Variants in FRMD4A observed in about 807,000 individuals in gnomAD.
FRMD4A encodes FERM domain-containing protein 4A.
Under a neutral mutation model 129.1 loss-of-function variants are expected in FRMD4A, and 29 were observed. The observed-to-expected ratio is 0.22, with a 90% CI of 0.17 to 0.31. The LOEUF (loss-of-function observed/expected upper bound fraction) is 0.31, where lower values mean the gene tolerates loss of function less well. FRMD4A is among the 10% of genes least tolerant of loss of function. The pLI, the probability that FRMD4A is intolerant of heterozygous loss-of-function variation, is 1.00. For synonymous variants in FRMD4A, 634 were observed against 571.6 expected, an observed-to-expected ratio of 1.11 and a Z score of -1.56; for missense variants, 1,272 against 1,375.8, an observed-to-expected ratio of 0.92 and a Z score of 1.19.
chr10:14,152,117 CTTTT>C (rs36023583), intron 2 of FRMD4A, among the ~76,000 whole-genome samples: 3 of 54,110 alleles, frequency 5.5e-5, no homozygotes, highest in Non-Finnish European at 1.0e-4. Flanking sequence ...TTGTGTAGTG[CTTTT>C]TTTTTTTTTT....
At chr10:13,974,340 G>C (rs927295010) in intron 2 of FRMD4A, among the ~76,000 whole-genome samples, 1 of 152,090 alleles carries the variant, frequency 6.6e-6, no homozygotes, top group African/African-American at 2.4e-5. Flanking sequence ...CCATTTGCGG[G>C]GATGAGTGGC....
At chr10:13,995,618 A>G (rs1359449349) in intron 2 of FRMD4A, among the ~76,000 whole-genome samples, 1 of 152,184 alleles carries the variant, frequency 6.6e-6, no homozygotes, top group East Asian at 1.9e-4. Context: ...GATGGACGCT[A>G]TGGCTGAACC....
At chr10:13,949,768 C>T (rs537011566) in intron 2 of FRMD4A, among the ~76,000 whole-genome samples, 1 of 152,266 alleles carries the variant, frequency 6.6e-6, no homozygotes, top group South Asian at 2.1e-4. Context: ...AGGGACATCC[C>T]AAGTCACACA....
At chr10:14,296,918 C>A (rs1451220497) in intron 2 of FRMD4A, among the ~76,000 whole-genome samples, 1 of 152,148 alleles carries the variant, frequency 6.6e-6, no homozygotes, top group Non-Finnish European at 1.5e-5. Context: ...CCAGTCCTTC[C>A]TTCTGTGCCA....
chr10:14,194,029 C>T (rs911102075), intron 2 of FRMD4A, among the ~76,000 whole-genome samples: 1 of 152,200 alleles, frequency 6.6e-6, no homozygotes, highest in African/African-American at 2.4e-5. Flanking sequence ...ATTAAATTTA[C>T]ATAACTAGCT....
At chr10:14,132,213 G>C (rs988334730) in intron 2 of FRMD4A, among the ~76,000 whole-genome samples, 5 of 152,126 alleles carry the variant, frequency 3.3e-5, no homozygotes, top group African/African-American at 1.2e-4. Flanking sequence ...GCTTGAGTCT[G>C]GGAGGAGGAG....
rs113590240 is a variant in FRMD4A at position 14,090,392 on chromosome 10, G to C, written c.46-231480C>G. Among the ~76,000 whole-genome samples the C allele has an allele frequency of 8.0e-3, 1,218 of 152,306 alleles. 24 individuals are homozygous for C. Among genetic ancestry groups the C allele is most frequent in the African/African-American group, 0.028 (1,154 of 41,556 alleles). Reference sequence around the variant, plus strand: ...TAAATGTAGTACAGTCAAGGCAGACGCTGTAAAAGGACCGGGCACTGCAGA... The same window carrying C: ...TAAATGTAGTACAGTCAAGGCAGACCCTGTAAAAGGACCGGGCACTGCAGA... On this transcript the variant is annotated intron_variant, in intron 2 of 24. Transcript: ENST00000357447.
chr10:14,239,354 G>A (rs112252497), intron 2 of FRMD4A, among the ~76,000 whole-genome samples: 4 of 152,140 alleles, frequency 2.6e-5, no homozygotes, highest in African/African-American at 7.2e-5. Flanking sequence ...CTGGCCGGAC[G>A]CGGTGGCTCA....
chr10:14,008,162 CTGTG>C (rs752913059), intron 2 of FRMD4A: 10,904 of 629,022 alleles, frequency 0.017, 34 homozygotes, highest in African/African-American at 0.036. Flanking sequence ...TGGTGTACAG[CTGTG>C]TGTGTGTGTG....
intron 2 of FRMD4A, among the ~76,000 whole-genome samples, chr10:13,990,598 A>G (rs1050860878): frequency 4.6e-5 from 7 of 151,578 alleles, no homozygotes; most frequent in Non-Finnish European, 1.0e-4. Flanking sequence ...GAAACCTTCC[A>G]TTGCAGGAAC....
chr10:13,769,652 G>A (rs1002613403), intron 6 of FRMD4A, among the ~76,000 whole-genome samples: 2 of 152,092 alleles, frequency 1.3e-5, no homozygotes, highest in African/African-American at 4.8e-5. Context: ...TGTCTACGAG[G>A]GTGTTTCTGG....
At chr10:14,151,686 C>T (rs552647973) in intron 2 of FRMD4A, among the ~76,000 whole-genome samples, 28 of 152,222 alleles carry the variant, frequency 1.8e-4, no homozygotes, top group African/African-American at 6.3e-4. Flanking sequence ...GAACCTTCTG[C>T]GATGAGAGCA....
intron 2 of FRMD4A, among the ~76,000 whole-genome samples, chr10:14,208,190 A>G (rs886984088): frequency 1.3e-5 from 2 of 152,162 alleles, no homozygotes; most frequent in Non-Finnish European, 2.9e-5. Context: ...AGCCAGACCC[A>G]GCCTCAAAAG....
chr10:14,005,539 G>A (rs150697283), intron 2 of FRMD4A, among the ~76,000 whole-genome samples: 7 of 152,316 alleles, frequency 4.6e-5, no homozygotes, highest in Admixed American at 3.9e-4. Context: ...GGACAGGACT[G>A]TCAGTGTCCT....
intron 2 of FRMD4A, among the ~76,000 whole-genome samples, chr10:14,325,325 G>A (rs1373053229): frequency 2.0e-5 from 3 of 152,156 alleles, no homozygotes; most frequent in Non-Finnish European, 4.4e-5. Flanking sequence ...ATAGAACTAG[G>A]ACCTTGATCA....
intron 2 of FRMD4A, among the ~76,000 whole-genome samples, chr10:13,880,593 C>T (rs2094536027): frequency 6.6e-6 from 1 of 152,154 alleles, no homozygotes. Context: ...TGACTCCCAC[C>T]AGTCCTCACC....
intron 2 of FRMD4A, among the ~76,000 whole-genome samples, chr10:13,939,460 G>T (rs976230165): frequency 3.9e-5 from 6 of 152,066 alleles, no homozygotes; most frequent in African/African-American, 7.3e-5. Context: ...ATAATGAGTG[G>T]GATTTATTTG....
intron 2 of FRMD4A, among the ~76,000 whole-genome samples, chr10:13,894,501 G>A (rs1379311391): frequency 2.0e-5 from 3 of 152,106 alleles, no homozygotes; most frequent in Admixed American, 6.5e-5. Flanking sequence ...ACGCATCCGC[G>A]GATCACCCAG....
At chr10:14,185,447 G>A (rs1205819640) in intron 2 of FRMD4A, among the ~76,000 whole-genome samples, 3 of 152,204 alleles carry the variant, frequency 2.0e-5, no homozygotes, top group Non-Finnish European at 4.4e-5. Context: ...TGAGGATGTC[G>A]TGGCAGAAAT....
Sources: gnomAD v4.1 joint callset for allele counts (sites outside exome capture counted in the v4.1 genomes callset) on GRCh38, gnomAD v4.1.1 for gene constraint, MANE v1.5 for transcripts, NCBI Gene and HGNC (gene_info 2026-07-23, HGNC 2026-07-21) for gene names.